The following TENM4 variants were observed in gnomAD, a reference collection of about 807,000 sequenced individuals.
TENM4 encodes the protein teneurin transmembrane protein 4, also known as teneurin-4.
In TENM4, 82 loss-of-function variants were observed where a neutral mutation model predicts 243.3. The observed-to-expected ratio is 0.34, with a 90% CI of 0.28 to 0.40. TENM4 has a LOEUF of 0.40. TENM4 is among the 10% of genes least tolerant of loss of function. The probability of loss-of-function intolerance (pLI) is 1.00; values close to 1 mark genes in which losing one functional copy is unlikely to be tolerated. For synonymous variants in TENM4, 1,412 were observed against 1,456.3 expected (o/e 0.97, Z 0.69); for missense variants, 3,138 against 3,673.3 (o/e 0.85, Z 3.77).
chr11:78,963,084 T>A (rs1857366801), intron 6 of TENM4, among the ~76,000 whole-genome samples: 1 of 152,252 alleles, frequency 6.6e-6, no homozygotes, highest in Non-Finnish European at 1.5e-5. Flanking sequence ...TGTAGAAGTA[T>A]TTGTTGACTA....
intron 3 of TENM4, among the ~76,000 whole-genome samples, chr11:79,149,883 T>C (rs918035424): frequency 2.0e-5 from 3 of 152,174 alleles, no homozygotes; most frequent in African/African-American, 7.2e-5. Context: ...AAGATCAAGG[T>C]ATGCTCTTTT....
At chr11:79,362,688 G>A (rs1857609952) in intron 1 of TENM4, among the ~76,000 whole-genome samples, 1 of 152,176 alleles carries the variant, frequency 6.6e-6, no homozygotes, top group Non-Finnish European at 1.5e-5. Flanking sequence ...GCCAGACCTA[G>A]GTTCAAGTCC....
intron 6 of TENM4, among the ~76,000 whole-genome samples, chr11:78,945,269 T>G (rs1162330261): frequency 6.6e-6 from 1 of 152,248 alleles, no homozygotes; most frequent in Non-Finnish European, 1.5e-5. Flanking sequence ...TTTCTCATTT[T>G]GGTAATTGTT....
Position 79,413,993 on chromosome 11 carries a change from T to C in TENM4, c.-321+26516A>G, listed in dbSNP as rs188550618. ...CTGCATGGAGCTTATTCATGTACCC[T>C]ATATTAAGAACAGAAAAAAAAAGAG... On this transcript the variant is annotated intron_variant, in intron 1 of 33. Transcript: ENST00000278550. Among the ~76,000 whole-genome samples the C allele has an allele frequency of 8.5e-5, 13 of 152,114 alleles. No individual in the cohort carries two copies. The East Asian group carries it at 2.1e-3, about 25-fold the overall frequency.
intron 4 of TENM4, among the ~76,000 whole-genome samples, chr11:79,146,156 C>A (rs1246311513): frequency 1.3e-5 from 2 of 151,996 alleles, no homozygotes; most frequent in South Asian, 2.1e-4. Flanking sequence ...TGACCTGTTA[C>A]TGGACTACAA....
intron 6 of TENM4, among the ~76,000 whole-genome samples, chr11:78,974,094 C>T (rs1591175421): frequency 6.6e-6 from 1 of 152,226 alleles, no homozygotes; most frequent in East Asian, 1.9e-4. Context: ...TAAAGATGTG[C>T]AAATACTGCA....
chr11:79,044,055 T>A (rs1338087417), intron 6 of TENM4, among the ~76,000 whole-genome samples: 1 of 152,188 alleles, frequency 6.6e-6, no homozygotes, highest in South Asian at 2.1e-4. Context: ...AGGATGGGGA[T>A]TCCTGAGCTC....
Position 78,687,483 on chromosome 11 carries a change from G to A in TENM4, c.5260+571C>T, listed in dbSNP as rs570093986. 3.0e-4 allele frequency among the ~76,000 whole-genome samples: 46 copies of A among 152,230 alleles called. 1 individual carries two copies. In the South Asian group the frequency reaches 9.4e-3, roughly 31 times the overall value. ...CCCACAAAGCTGCAAGCCCACCTGG[G>A]TCACCACATCCCATGAGAACAATTG... On this transcript the variant is annotated intron_variant, in intron 29 of 33. Coordinates refer to ENST00000278550, the MANE Select transcript of TENM4 (RefSeq NM_001098816.3).
intron 6 of TENM4, among the ~76,000 whole-genome samples, chr11:78,925,010 C>G (rs762339174): frequency 1.2e-4 from 18 of 152,200 alleles, no homozygotes; most frequent in Non-Finnish European, 2.4e-4. Flanking sequence ...TGTGATTTTG[C>G]AAAATTAAAA....
intron 1 of TENM4, among the ~76,000 whole-genome samples, chr11:79,325,623 G>A (rs774771237): frequency 7.2e-5 from 11 of 152,166 alleles, no homozygotes; most frequent in South Asian, 4.1e-4. Flanking sequence ...CCCAGTACTC[G>A]CTCAGGAAGG....
intron 2 of TENM4, among the ~76,000 whole-genome samples, chr11:79,228,196 G>C (rs946971510): frequency 5.3e-5 from 8 of 152,188 alleles, no homozygotes; most frequent in African/African-American, 1.9e-4. Flanking sequence ...GCTCTCCATG[G>C]AGCAGGCCCC....
intron 2 of TENM4, among the ~76,000 whole-genome samples, chr11:79,276,469 A>C (rs1856057738): frequency 2.0e-5 from 3 of 152,166 alleles, no homozygotes. Context: ...AGAGAAAGAA[A>C]GTGTAGATGT....
At chr11:78,907,442 T>C (rs938859591) in intron 6 of TENM4, among the ~76,000 whole-genome samples, 1 of 152,086 alleles carries the variant, frequency 6.6e-6, no homozygotes, top group Non-Finnish European at 1.5e-5. Flanking sequence ...AATAAAACAG[T>C]GAACAAGATA....
chr11:78,687,726 C>G (rs1324794676), intron 29 of TENM4, among the ~76,000 whole-genome samples: 1 of 152,112 alleles, frequency 6.6e-6, no homozygotes, highest in African/African-American at 2.4e-5. Context: ...GTCCTTTGTC[C>G]TCACCTACAC....
At chr11:79,117,432 A>G (rs911910125) in intron 4 of TENM4, among the ~76,000 whole-genome samples, 1 of 152,166 alleles carries the variant, frequency 6.6e-6, no homozygotes, top group East Asian at 1.9e-4. Context: ...AAATGTTGTG[A>G]TCATGACAGA....
chr11:79,243,222 C>T (rs539284428), intron 2 of TENM4, among the ~76,000 whole-genome samples: 4 of 152,108 alleles, frequency 2.6e-5, no homozygotes, highest in East Asian at 1.9e-4. Context: ...GTCTGTGTTT[C>T]GGGGGTCATT....
At chr11:79,139,078 T>TAAAAC (rs1862201966) in intron 4 of TENM4, among the ~76,000 whole-genome samples, 1 of 33,832 alleles carries the variant, frequency 3.0e-5, no homozygotes, top group Non-Finnish European at 4.3e-5. Context: ...TATAAATATA[T>TAAAAC]ATTATATTTC....
At chr11:78,749,210 GC>G (rs919827559) in intron 19 of TENM4, 1 of 152,146 alleles carries the variant, frequency 6.6e-6, no homozygotes, top group African/African-American at 2.4e-5. Flanking sequence ...TCACCTAGTT[GC>G]TTTATCATCA....
intron 1 of TENM4, among the ~76,000 whole-genome samples, chr11:79,410,287 A>G (rs1390618605): frequency 6.6e-6 from 1 of 152,116 alleles, no homozygotes; most frequent in African/African-American, 2.4e-5. Flanking sequence ...AACCCAAACT[A>G]AGACAATATC....
Sources: allele counts gnomAD v4.1 joint callset (sites outside exome capture counted in the v4.1 genomes callset), GRCh38; gene constraint gnomAD v4.1.1; transcripts MANE v1.5; gene names NCBI Gene and HGNC (gene_info 2026-07-23, HGNC 2026-07-21).